Variants in GRM1 observed in about 807,000 individuals in gnomAD.
The protein encoded by GRM1 is glutamate metabotropic receptor 1, also known as metabotropic glutamate receptor 1.
GRM1 carries 33 observed loss-of-function variants against 90.9 expected under a neutral mutation model. The ratio of observed to expected loss-of-function variants is 0.36; its 90% CI spans 0.28 to 0.49. The LOEUF is 0.49. Among genes scored for constraint, GRM1 ranks in the 20% least tolerant of loss-of-function variants. The probability of loss-of-function intolerance (pLI) is 0.99; values close to 1 mark genes in which losing one functional copy is unlikely to be tolerated. For synonymous variants in GRM1, 700 were observed against 613.2 expected (o/e 1.14, Z -2.09); for missense variants, 1,190 against 1,534.3 (o/e 0.78, Z 3.75).
intron 2 of GRM1, among the ~76,000 whole-genome samples, chr6:146,291,323 C>CT (rs1024147271): frequency 7.0e-4 from 105 of 150,724 alleles, no homozygotes; most frequent in African/African-American, 1.9e-3. Context: ...GCCAATATTG[C>CT]TTTTTTTGAT....
chr6:146,300,702 T>A (rs1362021382), intron 2 of GRM1, among the ~76,000 whole-genome samples: 2 of 152,014 alleles, frequency 1.3e-5, no homozygotes, highest in East Asian at 3.9e-4. Flanking sequence ...TCACAGAGAG[T>A]CCAGTGCTGT....
intron 7 of GRM1, among the ~76,000 whole-genome samples, chr6:146,423,342 G>A (rs984506598): frequency 6.6e-6 from 1 of 152,256 alleles, no homozygotes; most frequent in South Asian, 2.1e-4. Context: ...GGCTTGTCCT[G>A]TAACCTTTAA....
chr6:146,045,749 CAAAAAAAAAAAAA>C (rs58055832), intron 1 of GRM1, among the ~76,000 whole-genome samples: 233 of 87,414 alleles, frequency 2.7e-3, no homozygotes, highest in Middle Eastern at 7.2e-3. Flanking sequence ...TGGAATACAG[CAAAAAAAAAAAAA>C]AAAAAAAAAA....
chr6:146,027,815 CCAAA>C (rs1378400195), upstream of GRM1: 1 of 152,284 alleles, frequency 6.6e-6, no homozygotes, highest in African/African-American at 2.4e-5. Context: ...TCCATGTCCT[CCAAA>C]CAGACTCAGG....
chr6:146,129,860 TC>T (rs1776329001), intron 1 of GRM1, among the ~76,000 whole-genome samples: 1 of 152,148 alleles, frequency 6.6e-6, no homozygotes, highest in African/African-American at 2.4e-5. Flanking sequence ...TCATGGTGTG[TC>T]CTGAGCCTGG....
chr6:146,098,018 TG>T (rs1776930469), intron 1 of GRM1, among the ~76,000 whole-genome samples: 1 of 152,180 alleles, frequency 6.6e-6, no homozygotes, highest in Non-Finnish European at 1.5e-5. Flanking sequence ...ATTCTTATTA[TG>T]GTGCACAAGC....
intron 2 of GRM1, among the ~76,000 whole-genome samples, chr6:146,174,038 C>T (rs946275370): frequency 6.6e-6 from 1 of 151,832 alleles, no homozygotes; most frequent in Non-Finnish European, 1.5e-5. Flanking sequence ...AATATGAATC[C>T]TTACTTGATA....
At chr6:146,406,656 CTG>C (rs1562676030) in intron 7 of GRM1, among the ~76,000 whole-genome samples, 1 of 152,088 alleles carries the variant, frequency 6.6e-6, no homozygotes, top group Admixed American at 6.6e-5. Flanking sequence ...TGGCAAATCT[CTG>C]TCTCTACTAA....
intron 7 of GRM1, among the ~76,000 whole-genome samples, chr6:146,404,570 C>G (rs1166953339): frequency 2.0e-5 from 3 of 152,106 alleles, no homozygotes; most frequent in African/African-American, 7.2e-5. Flanking sequence ...TGTTTTTCAA[C>G]TGGAGAAATT....
intron 1 of GRM1, among the ~76,000 whole-genome samples, chr6:146,134,878 C>A (rs1353894216): frequency 6.6e-6 from 1 of 152,106 alleles, no homozygotes; most frequent in African/African-American, 2.4e-5. Context: ...TTGCAGTGAG[C>A]CAAGATGGCA....
intron 2 of GRM1, among the ~76,000 whole-genome samples, chr6:146,180,967 C>T (rs1778530871): frequency 6.6e-6 from 1 of 152,066 alleles, no homozygotes; most frequent in African/African-American, 2.4e-5. Flanking sequence ...TAGAAATAAC[C>T]TCAATGTGAT....
rs148650922 is a variant in GRM1, at chr6:146,029,591, G to A, written c.74G>A (p.Arg25Lys). The change falls in exon 1 of 8, where the codon AGG becomes AAG. Residue 25 changes from arginine to lysine, a missense_variant. Physicochemically the swap from Arg to Lys is conservative, Grantham distance 26. This residue lies in a region of GRM1 where 44 missense variants were observed against 35.8 expected (regional missense o/e 1.23). Coordinates refer to ENST00000282753, the MANE Select transcript of GRM1 (RefSeq NM_001278064.2). The stretch of plus-strand genomic sequence containing the variant: ...TCCCTTCTCCCCAGAAGCCCCGGCA[G>A]GAAAGTGTTGCTGGCAGGAGCGTCG... ...EVSLLPRSPGRKVLLAGASSQ... is the reference protein window; with the variant it reads ...EVSLLPRSPGKKVLLAGASSQ... 1.2e-6 allele frequency: 2 copies of A among 1,614,060 alleles called. No homozygotes were observed. The highest frequency in any genetic ancestry group is 2.7e-5 in the African/African-American group (2 of 74,924).
At chr6:146,223,526 C>A (rs1396443300) in intron 2 of GRM1, among the ~76,000 whole-genome samples, 1 of 151,872 alleles carries the variant, frequency 6.6e-6, no homozygotes, top group Non-Finnish European at 1.5e-5. Context: ...GTTTGAGAGA[C>A]CATGAACAAA....
intron 1 of GRM1, among the ~76,000 whole-genome samples, chr6:146,088,571 ATTT>A (rs1776619059): frequency 6.6e-6 from 1 of 152,078 alleles, no homozygotes; most frequent in African/African-American, 2.4e-5. Context: ...ATTCCTTGAT[ATTT>A]GAGGAAAGGA....
At chr6:146,259,044 T>C (rs945362139) in intron 2 of GRM1, among the ~76,000 whole-genome samples, 2 of 152,132 alleles carry the variant, frequency 1.3e-5, no homozygotes, top group Non-Finnish European at 2.9e-5. Context: ...GGCAAAGACT[T>C]TTCTGTCTAA....
At chr6:146,086,595 A>G (rs543068269) in intron 1 of GRM1, among the ~76,000 whole-genome samples, 64 of 151,680 alleles carry the variant, frequency 4.2e-4, no homozygotes, top group Middle Eastern at 3.4e-3. Context: ...TGATTTTAAT[A>G]CCTAAGTTTC....
intron 5 of GRM1, among the ~76,000 whole-genome samples, chr6:146,386,681 C>T (rs1776519067): frequency 6.6e-6 from 1 of 152,006 alleles, no homozygotes; most frequent in African/African-American, 2.4e-5. Context: ...AGCCTCCAAA[C>T]CCAGCATGGA....
intron 1 of GRM1, among the ~76,000 whole-genome samples, chr6:146,120,462 T>G (rs1467324567): frequency 6.6e-6 from 1 of 152,154 alleles, no homozygotes; most frequent in African/African-American, 2.4e-5. Context: ...TGGCCAGAAC[T>G]TCCAACACTA....
chr6:146,194,492 G>A (rs1012110442), intron 2 of GRM1, among the ~76,000 whole-genome samples: 10 of 152,274 alleles, frequency 6.6e-5, no homozygotes, highest in Admixed American at 3.9e-4. Context: ...CTTTTGCAAC[G>A]TTCCATTTTT....
Sources: allele counts gnomAD v4.1 joint callset (sites outside exome capture counted in the v4.1 genomes callset), GRCh38; gene constraint gnomAD v4.1.1; regional missense constraint gnomAD v4.1.1; transcripts MANE v1.5; gene names NCBI Gene and HGNC (gene_info 2026-07-23, HGNC 2026-07-21).